Variants in RBFOX1 observed in about 807,000 individuals in gnomAD.
The protein encoded by RBFOX1 is RNA binding protein fox-1 homolog 1.
In RBFOX1, 8 loss-of-function variants were observed where a neutral mutation model predicts 57.7. The observed-to-expected ratio is 0.14, with a 90% CI of 0.08 to 0.25. The LOEUF (loss-of-function observed/expected upper bound fraction) is 0.25, where lower values mean the gene tolerates loss of function less well. Ranked by LOEUF, RBFOX1 falls within the 10% of genes least tolerant of loss-of-function variation. The pLI, the probability that RBFOX1 is intolerant of heterozygous loss-of-function variation, is 1.00. For missense variants in RBFOX1, 611 were observed against 548.5 expected (o/e 1.11, Z -1.14); for synonymous variants, 326 against 222.4 (o/e 1.47, Z -4.15).
At chr16:5,897,473 A>G (rs144040687) in intron 4 of RBFOX1, among the ~76,000 whole-genome samples, 181 of 152,318 alleles carry the variant, frequency 1.2e-3, no homozygotes, top group African/African-American at 4.0e-3. Context: ...TGGGAAACAT[A>G]TGAGTAGGAT....
At chr16:6,741,051 A>G (rs1439840163) in intron 3 of RBFOX1, among the ~76,000 whole-genome samples, 1 of 152,320 alleles carries the variant, frequency 6.6e-6, no homozygotes, top group South Asian at 2.1e-4. Flanking sequence ...AAGAGAAGAC[A>G]CTGAAATAGC....
At chr16:5,509,150 A>G (rs1264251713) in intron 2 of RBFOX1, among the ~76,000 whole-genome samples, 1 of 152,222 alleles carries the variant, frequency 6.6e-6, no homozygotes, top group African/African-American at 2.4e-5. Context: ...ACACTTCCCG[A>G]CATGCGATCC....
chr16:7,027,090 C>A (rs1002658861), intron 3 of RBFOX1, among the ~76,000 whole-genome samples: 9 of 152,108 alleles, frequency 5.9e-5, no homozygotes, highest in Non-Finnish European at 1.2e-4. Flanking sequence ...AGGGGAGGCT[C>A]TTTCCTGAAC....
intron 3 of RBFOX1, among the ~76,000 whole-genome samples, chr16:5,843,784 C>A (rs1438381868): frequency 1.3e-5 from 2 of 152,196 alleles, no homozygotes; most frequent in African/African-American, 2.4e-5. Flanking sequence ...ATAGATGCAT[C>A]CTTCTCTAAA....
At chr16:6,209,321 C>T (rs374816655) in intron 1 of RBFOX1, among the ~76,000 whole-genome samples, 7 of 152,120 alleles carry the variant, frequency 4.6e-5, no homozygotes, top group African/African-American at 1.7e-4. Flanking sequence ...CATTATGTTC[C>T]CCTGGGTTGT....
chr16:7,116,250 G>A (rs924539521), intron 4 of RBFOX1, among the ~76,000 whole-genome samples: 5 of 152,120 alleles, frequency 3.3e-5, no homozygotes, highest in Admixed American at 6.6e-5. Context: ...AGCCCATGCA[G>A]TAAACCAATC....
chr16:7,461,749 A>C (rs1454018008), intron 4 of RBFOX1, among the ~76,000 whole-genome samples: 1 of 152,164 alleles, frequency 6.6e-6, no homozygotes, highest in African/African-American at 2.4e-5. Flanking sequence ...ACAGAGGTTA[A>C]GAGTTTCCCA....
chr16:6,290,343 G>A (rs1041006222), intron 1 of RBFOX1, among the ~76,000 whole-genome samples: 3 of 150,898 alleles, frequency 2.0e-5, no homozygotes, highest in African/African-American at 4.9e-5. Context: ...AAAATGAGGG[G>A]AAGACATTTA....
intron 4 of RBFOX1, among the ~76,000 whole-genome samples, chr16:7,069,137 G>C (rs7205536): frequency 0.71 from 108,165 of 152,046 alleles, 39,219 homozygotes; most frequent in East Asian, 0.91. Flanking sequence ...TCAAAAGCTG[G>C]CTATGAAAAA....
chr16:5,739,891 A>T (rs2052714881), intron 3 of RBFOX1, among the ~76,000 whole-genome samples: 1 of 152,262 alleles, frequency 6.6e-6, no homozygotes, highest in Non-Finnish European at 1.5e-5. Flanking sequence ...GATATTAAAA[A>T]TGTAAAAAAT....
intron 3 of RBFOX1, among the ~76,000 whole-genome samples, chr16:5,608,049 A>C (rs1326361057): frequency 2.0e-5 from 3 of 152,202 alleles, no homozygotes; most frequent in African/African-American, 7.2e-5. Context: ...CTCTTTGGTC[A>C]CAGAATAGGC....
chr16:6,083,575 C>G (rs571447829), intron 1 of RBFOX1, among the ~76,000 whole-genome samples: 1 of 152,216 alleles, frequency 6.6e-6, no homozygotes, highest in East Asian at 1.9e-4. Context: ...CTCTTGGGCT[C>G]AGATGATCCT....
intron 4 of RBFOX1, among the ~76,000 whole-genome samples, chr16:5,916,091 T>C (rs749922888): frequency 6.6e-6 from 1 of 152,100 alleles, no homozygotes; most frequent in Non-Finnish European, 1.5e-5. Flanking sequence ...TGTTAAGGAC[T>C]TTAAGCCGTA....
chr16:6,838,521 A>T (rs953768785), intron 3 of RBFOX1, among the ~76,000 whole-genome samples: 1 of 152,188 alleles, frequency 6.6e-6, no homozygotes, highest in Non-Finnish European at 1.5e-5. Context: ...TATAAATGCA[A>T]CTGCAAAACT....
chr16:5,425,593 C>A (rs1212697590), intron 1 of RBFOX1, among the ~76,000 whole-genome samples: 1 of 152,188 alleles, frequency 6.6e-6, no homozygotes, highest in Non-Finnish European at 1.5e-5. Context: ...TGGATTCCCA[C>A]ATCCAAGAAA....
intron 3 of RBFOX1, among the ~76,000 whole-genome samples, chr16:5,751,725 A>G (rs926749784): frequency 1.3e-5 from 2 of 152,332 alleles, no homozygotes; most frequent in South Asian, 2.1e-4. Flanking sequence ...CACTATTGCA[A>G]TTAAGTAAGA....
intron 2 of RBFOX1, among the ~76,000 whole-genome samples, chr16:6,402,825 T>C (rs2093129781): frequency 6.6e-6 from 1 of 152,252 alleles, no homozygotes; most frequent in Admixed American, 6.5e-5. Context: ...CTGCTATCAG[T>C]TCTGGAACCT....
In RBFOX1 at chr16:7,713,261, T is replaced by G. The variant is rs948429706; in HGVS notation, c.*2516T>G. ...TATATCTGTCTTTAGAAATTAGTGT[T>G]TATATCACTTACAGTGGTTTGTGAA... is the stretch of plus-strand genomic sequence containing the variant. On this transcript the variant is annotated 3_prime_UTR_variant, in exon 16 of 16. Coordinates refer to ENST00000550418, the MANE Select transcript of RBFOX1 (RefSeq NM_018723.4). The G allele has an allele frequency of 6.6e-6, 1 of 152,228 alleles. No homozygotes were observed. Among genetic ancestry groups the G allele is most frequent in the African/African-American group, 2.4e-5 (1 of 41,458 alleles). The allele number at this position is 152,228 out of a possible 1,614,324, so 9.4% of individuals were successfully genotyped here. A position where few individuals can be genotyped will look rare whatever the true frequency, so the allele number is the denominator to read the frequency against.
At chr16:6,632,107 G>C (rs2098392007) in intron 2 of RBFOX1, among the ~76,000 whole-genome samples, 1 of 152,096 alleles carries the variant, frequency 6.6e-6, no homozygotes, top group Non-Finnish European at 1.5e-5. Flanking sequence ...TTCTGAGTCT[G>C]TCCCTTGTTA....
Sources: gnomAD v4.1 joint callset for allele counts (sites outside exome capture counted in the v4.1 genomes callset) on GRCh38, gnomAD v4.1.1 for gene constraint, MANE v1.5 for transcripts, NCBI Gene and HGNC (gene_info 2026-07-23, HGNC 2026-07-21) for gene names.